The following AFAP1L1 variants were observed in gnomAD, a reference collection of about 807,000 sequenced individuals.
The protein encoded by AFAP1L1 is actin filament-associated protein 1-like 1.
Under a neutral mutation model 99.8 loss-of-function variants are expected in AFAP1L1, and 77 were observed. That is an observed-to-expected ratio of 0.77 (90% confidence interval 0.64 to 0.93). AFAP1L1 has a LOEUF of 0.93. Among genes scored for constraint, AFAP1L1 ranks in the 40% least tolerant of loss-of-function variants. The pLI is 0.00. For missense variants in AFAP1L1, 893 were observed against 996.8 expected, an observed-to-expected ratio of 0.90 and a Z score of 1.40; for synonymous variants, 373 against 395.3, an observed-to-expected ratio of 0.94 and a Z score of 0.67.
intron 7 of AFAP1L1, among the ~76,000 whole-genome samples, chr5:149,308,695 C>G (rs1368364874): frequency 1.1e-4 from 16 of 152,178 alleles, no homozygotes; most frequent in Admixed American, 9.8e-4. Flanking sequence ...CAATCCTACC[C>G]CTTCTATATT....
intron 15 of AFAP1L1, among the ~76,000 whole-genome samples, chr5:149,324,517 C>G (rs935149810): frequency 3.3e-5 from 5 of 152,236 alleles, no homozygotes; most frequent in Admixed American, 1.3e-4. Flanking sequence ...TGCCCACGAT[C>G]ATGTATTAAT....
Position 149,306,336 on chromosome 5 carries a change from A to G in AFAP1L1, c.467A>G (p.Asp156Gly), listed in dbSNP as rs577136952. 2 of 1,613,562 alleles carry G rather than the reference A, an allele frequency of 1.2e-6. No individual in the cohort carries two copies. The highest frequency in any genetic ancestry group is 1.7e-6 in the Non-Finnish European group (2 of 1,179,786). Residue 156 changes from aspartate to glycine, a missense_variant, in exon 6 of 19, where the codon GAT becomes GGT. Asp to Gly is a moderately conservative substitution (Grantham distance 94, BLOSUM62 -1). Transcript: ENST00000296721. ...NGCSPSHSIV[D>G]GYYEDADSSY... ...TGCAGCCCCTCACACTCGATTGTGG[A>G]TGGCTACTATGAGGACGCAGACAGC...
intron 8 of AFAP1L1, 112 bp from the exon 9 acceptor site, chr5:149,312,000 C>G: frequency 4.2e-6 from 4 of 946,958 alleles, no homozygotes; most frequent in Non-Finnish European, 6.6e-6. Flanking sequence ...CATCTGTTCC[C>G]CACAGTGGCC....
intron 5 of AFAP1L1, among the ~76,000 whole-genome samples, chr5:149,303,181 G>A (rs956462219): frequency 4.6e-5 from 7 of 151,970 alleles, no homozygotes; most frequent in Non-Finnish European, 1.0e-4. Flanking sequence ...GTAAAAAAAA[G>A]TTTATATATA....
At chr5:149,280,522 A>C (rs1755483877) in intron 1 of AFAP1L1, among the ~76,000 whole-genome samples, 1 of 151,992 alleles carries the variant, frequency 6.6e-6, no homozygotes, top group Non-Finnish European at 1.5e-5. Context: ...TGTTCACACA[A>C]GGGTGATAAT....
chr5:149,342,785 G>C lies in AFAP1L1; in HGVS notation c.*2755G>C, dbSNP rs1172953737. On this transcript the variant is annotated 3_prime_UTR_variant, in exon 19 of 19. Coordinates refer to ENST00000296721, the MANE Select transcript of AFAP1L1 (RefSeq NM_152406.4). ...AAGTTAGCTGGGCACGGTGGCACATGCCGGTAGTCCCAGCTACTTGGGAGG... is the reference window on the plus strand; with the variant it reads ...AAGTTAGCTGGGCACGGTGGCACATCCCGGTAGTCCCAGCTACTTGGGAGG... 2.0e-5 allele frequency among the ~76,000 whole-genome samples: 3 copies of C among 152,342 alleles called. No individual in the cohort carries two copies. In the East Asian group the frequency reaches 5.8e-4, roughly 29 times the overall value.
intron 11 of AFAP1L1, among the ~76,000 whole-genome samples, 169 bp from the exon 12 acceptor site, chr5:149,317,560 A>G (rs1393303521): frequency 6.6e-6 from 1 of 152,198 alleles, no homozygotes; most frequent in East Asian, 1.9e-4. Context: ...TTTCACAGCT[A>G]AGAAACAAAC....
intron 18 of AFAP1L1, among the ~76,000 whole-genome samples, 154 bp from the exon 19 acceptor site, chr5:149,339,853 T>C (rs1757511975): frequency 6.6e-6 from 1 of 152,166 alleles, no homozygotes; most frequent in Non-Finnish European, 1.5e-5. Context: ...GAGAAGTGAC[T>C]TACTCAGGGC....
In AFAP1L1 at chr5:149,329,672, A is replaced by G. The variant is rs879682977; in HGVS notation, c.1817A>G (p.Asn606Ser). 26 of 1,613,046 alleles carry G rather than the reference A, an allele frequency of 1.6e-5. No individual in the cohort carries two copies. Among genetic ancestry groups the G allele is most frequent in the Non-Finnish European group, 2.0e-5 (24 of 1,179,670 alleles). Residue 606 changes from asparagine (N) to serine (S), a missense_variant, in exon 16 of 19, where the codon AAT (asparagine) becomes AGT (serine). Asn to Ser is a conservative substitution (Grantham distance 46). Coordinates refer to ENST00000296721, the MANE Select transcript of AFAP1L1 (RefSeq NM_152406.4). Reference sequence around the variant, plus strand: ...CTTCCCCATATCTCTGCAGGTGCCAATCAATACAAGTATGGCAAGAACCGA... The same window carrying G: ...CTTCCCCATATCTCTGCAGGTGCCAGTCAATACAAGTATGGCAAGAACCGA... Reference protein sequence around the residue: ...VKVKRHASSANQYKYGKNRAE... With the variant: ...VKVKRHASSASQYKYGKNRAE...
intron 1 of AFAP1L1, among the ~76,000 whole-genome samples, chr5:149,298,354 G>T (rs1362197634): frequency 9.2e-5 from 14 of 152,092 alleles, no homozygotes. Flanking sequence ...AAACTTGCTG[G>T]GAGGAACAAA....
At chr5:149,323,910 A>G (rs922816284) in intron 15 of AFAP1L1, among the ~76,000 whole-genome samples, 1 of 152,280 alleles carries the variant, frequency 6.6e-6, no homozygotes, top group Non-Finnish European at 1.5e-5. Flanking sequence ...CAACGACAAC[A>G]ACAAAAAACT....
rs771890549 is a variant in AFAP1L1, at chr5:149,317,912, G to A, written c.1451G>A (p.Arg484His). Reference protein sequence around the residue: ...PRHPFAFRILRNRQEVAILEA... With the variant: ...PRHPFAFRILHNRQEVAILEA... Reference sequence around the variant, plus strand: ...CACCCATTTGCCTTCAGGATCCTGCGCAACCGGCAGGAGGTGGCCATCTTG... The same window carrying A: ...CACCCATTTGCCTTCAGGATCCTGCACAACCGGCAGGAGGTGGCCATCTTG... Residue 484 changes from arginine to histidine, a missense_variant, in exon 12 of 19, where the codon CGC (arginine) becomes CAC (histidine). Arg to His is a conservative substitution (Grantham distance 29, BLOSUM62 0). Coordinates refer to ENST00000296721, the MANE Select transcript of AFAP1L1 (RefSeq NM_152406.4). 16 of 1,581,776 alleles carry A rather than the reference G, an allele frequency of 1.0e-5. No homozygotes were observed. Among genetic ancestry groups the A allele is most frequent in the Non-Finnish European group, 1.3e-5 (15 of 1,163,668 alleles).
intron 1 of AFAP1L1, among the ~76,000 whole-genome samples, chr5:149,282,575 T>C (rs1169028971): frequency 6.6e-6 from 1 of 152,238 alleles, no homozygotes; most frequent in Non-Finnish European, 1.5e-5. Flanking sequence ...GCTACCTGTC[T>C]TTGTAAAGAA....
At chr5:149,311,990 C>A in intron 8 of AFAP1L1, 122 bp from the exon 9 acceptor site, 1 of 846,598 alleles carries the variant, frequency 1.2e-6, no homozygotes, top group Non-Finnish European at 1.9e-6. Context: ...TGTGTCAGTC[C>A]ATCTGTTCCC....
chr5:149,289,911 T>C (rs925066335), intron 1 of AFAP1L1, among the ~76,000 whole-genome samples: 2 of 152,182 alleles, frequency 1.3e-5, no homozygotes, highest in South Asian at 4.1e-4. Flanking sequence ...TCCACATGTG[T>C]AAGTGGGGGT....
chr5:149,279,417 C>T (rs1239201686), intron 1 of AFAP1L1, among the ~76,000 whole-genome samples: 2 of 152,208 alleles, frequency 1.3e-5, no homozygotes, highest in Non-Finnish European at 2.9e-5. Flanking sequence ...AAGAAGCTTT[C>T]GCAGCTTGAC....
At chr5:149,273,592 A>T (rs920169578) in intron 1 of AFAP1L1, among the ~76,000 whole-genome samples, 2 of 152,070 alleles carry the variant, frequency 1.3e-5, no homozygotes, top group African/African-American at 4.8e-5. Context: ...GTTCTTTAGC[A>T]ACTGAGGCCT....
intron 8 of AFAP1L1, among the ~76,000 whole-genome samples, chr5:149,311,449 A>G (rs898087124): frequency 6.6e-6 from 1 of 152,240 alleles, no homozygotes; most frequent in African/African-American, 2.4e-5. Flanking sequence ...GCCACCTAAC[A>G]GGTGGCTTCC....
intron 3 of AFAP1L1, 133 bp from the exon 4 acceptor site, chr5:149,300,994 ATTTGTT>A: frequency 1.6e-6 from 1 of 632,536 alleles, no homozygotes; most frequent in Non-Finnish European, 2.8e-6. Flanking sequence ...GTCAAAAGTC[ATTTGTT>A]TAGGGTTACT....
Sources: allele counts gnomAD v4.1 joint callset (sites outside exome capture counted in the v4.1 genomes callset), GRCh38; gene constraint gnomAD v4.1.1; transcripts MANE v1.5; gene names NCBI Gene and HGNC (gene_info 2026-07-23, HGNC 2026-07-21).